The following SLC16A10 variants were observed in gnomAD, a reference collection of about 807,000 sequenced individuals.
SLC16A10 encodes the protein solute carrier family 16 member 10.
A neutral mutation model predicts 40.0 loss-of-function variants in SLC16A10; 27 were observed. The ratio of observed to expected loss-of-function variants is 0.67; its 90% CI spans 0.50 to 0.93. The LOEUF is 0.93. Among genes scored for constraint, SLC16A10 ranks in the 40% least tolerant of loss-of-function variants. The pLI, the probability that SLC16A10 is intolerant of heterozygous loss-of-function variation, is 0.00. For missense variants in SLC16A10, 529 were observed against 658.2 expected (o/e 0.80, Z 2.15); for synonymous variants, 213 against 249.8 (o/e 0.85, Z 1.39).
intron 1 of SLC16A10, among the ~76,000 whole-genome samples, chr6:111,162,195 G>GT (rs1396021570): frequency 3.3e-5 from 5 of 152,156 alleles, no homozygotes; most frequent in African/African-American, 4.8e-5. Context: ...ATTTGGCCTG[G>GT]TTATTTGCAT....
chr6:111,104,727 T>C (rs554928721), intron 1 of SLC16A10, among the ~76,000 whole-genome samples: 1 of 152,220 alleles, frequency 6.6e-6, no homozygotes, highest in South Asian at 2.1e-4. Flanking sequence ...GGAAAGAACA[T>C]GTATCTCTAA....
At chr6:111,217,575 G>A (rs1025075453) in intron 4 of SLC16A10, among the ~76,000 whole-genome samples, 42 of 150,136 alleles carry the variant, frequency 2.8e-4, no homozygotes, top group Admixed American at 2.2e-3. Flanking sequence ...TTAGCCTCCC[G>A]AGTAGCTGGG....
At chr6:111,182,771 T>C (rs1772825461) in intron 3 of SLC16A10, among the ~76,000 whole-genome samples, 1 of 152,152 alleles carries the variant, frequency 6.6e-6, no homozygotes, top group South Asian at 2.1e-4. Flanking sequence ...ATTCCGCCCT[T>C]TCAGTTGATC....
intron 1 of SLC16A10, among the ~76,000 whole-genome samples, chr6:111,094,879 G>A (rs940858645): frequency 6.6e-6 from 1 of 152,118 alleles, no homozygotes; most frequent in African/African-American, 2.4e-5. Flanking sequence ...GGCCTCAAGC[G>A]ACCCTCCTGC....
chr6:111,215,758 A>G (rs1055041177), intron 4 of SLC16A10, among the ~76,000 whole-genome samples: 7 of 152,238 alleles, frequency 4.6e-5, no homozygotes, highest in African/African-American at 1.7e-4. Context: ...TAATCCCAGC[A>G]CTTTGGGAGG....
chr6:111,181,146 C>T (rs910431057), intron 3 of SLC16A10, among the ~76,000 whole-genome samples: 1 of 147,716 alleles, frequency 6.8e-6, no homozygotes, highest in Non-Finnish European at 1.5e-5. Flanking sequence ...ACTTGGGAGG[C>T]AGAGGTTGCA....
chr6:111,094,207 T>TGG (rs1178457185), intron 1 of SLC16A10, among the ~76,000 whole-genome samples: 1 of 152,198 alleles, frequency 6.6e-6, no homozygotes, highest in Non-Finnish European at 1.5e-5. Flanking sequence ...GCTCAGCCCC[T>TGG]GGCCATATAC....
intron 3 of SLC16A10, among the ~76,000 whole-genome samples, chr6:111,181,165 AG>A (rs1350053128): frequency 6.6e-6 from 1 of 150,718 alleles, no homozygotes; most frequent in Non-Finnish European, 1.5e-5. Context: ...CAGTGAGCTG[AG>A]ACCGCGCCAT....
chr6:111,094,312 A>G (rs935907408), intron 1 of SLC16A10, among the ~76,000 whole-genome samples: 1 of 152,224 alleles, frequency 6.6e-6, no homozygotes, highest in African/African-American at 2.4e-5. Flanking sequence ...CTATTTCTGG[A>G]CAGTTCCATT....
At chr6:111,193,386 C>G in intron 3 of SLC16A10, 2 of 896,744 alleles carry the variant, frequency 2.2e-6, no homozygotes, top group Non-Finnish European at 2.7e-6. Flanking sequence ...CAGCATTCTC[C>G]TACTTGAGAT....
intron 3 of SLC16A10, among the ~76,000 whole-genome samples, chr6:111,187,888 C>A (rs569550189): frequency 3.3e-5 from 5 of 152,164 alleles, no homozygotes; most frequent in Non-Finnish European, 7.4e-5. Flanking sequence ...ATGCAAGGCT[C>A]ACAGTAGTAT....
intron 3 of SLC16A10, among the ~76,000 whole-genome samples, chr6:111,200,525 C>A (rs1487702720): frequency 2.0e-5 from 3 of 152,164 alleles, no homozygotes; most frequent in African/African-American, 4.8e-5. Flanking sequence ...GAGTGCCCCA[C>A]TTGTTTTAAT....
intron 1 of SLC16A10, among the ~76,000 whole-genome samples, chr6:111,137,513 C>T (rs2114497740): frequency 6.6e-6 from 1 of 152,348 alleles, no homozygotes; most frequent in Admixed American, 6.5e-5. Context: ...AGCTGTAAAG[C>T]TACAAATGGT....
At chr6:111,120,980 G>A (rs1472848244) in intron 1 of SLC16A10, among the ~76,000 whole-genome samples, 1 of 152,098 alleles carries the variant, frequency 6.6e-6, no homozygotes, top group Non-Finnish European at 1.5e-5. Flanking sequence ...GTAGATAGCA[G>A]CCAAGTAGGC....
In SLC16A10 at chr6:111,087,848, C is replaced by T. The variant is rs536966533; in HGVS notation, c.96C>T (p.Gly32=). 445 of 1,418,266 alleles carry T rather than the reference C, an allele frequency of 3.1e-4. 1 individual carries two copies. Among genetic ancestry groups the T allele is most frequent in the Non-Finnish European group, 3.9e-4 (425 of 1,094,750 alleles). 87.9% of individuals were successfully genotyped at this position (1,418,266 alleles called of 1,614,324 possible). A position where few individuals can be genotyped will look rare whatever the true frequency, so the allele number is the denominator to read the frequency against. Residue 32 remains glycine (G), a synonymous_variant, in exon 1 of 6, where the codon GGC becomes GGT. Coordinates refer to ENST00000368851, the MANE Select transcript of SLC16A10 (RefSeq NM_018593.5). ...CCACGGGGGCCGCTCCGCCGCCCGG[C>T]CCGGGACCCTCGGACAGCCCCGAGG... ...PAPTGAAPPP[G]PGPSDSPEAA... is the part of the protein sequence containing the mutation.
At chr6:111,132,698 C>G (rs1199751176) in intron 1 of SLC16A10, among the ~76,000 whole-genome samples, 1 of 152,194 alleles carries the variant, frequency 6.6e-6, no homozygotes, top group African/African-American at 2.4e-5. Context: ...ATTCCCTTAA[C>G]CCAGCAGATT....
At chr6:111,202,884 C>CAAAAAAAAAAAAA (rs567667458) in intron 3 of SLC16A10, among the ~76,000 whole-genome samples, 1 of 86,316 alleles carries the variant, frequency 1.2e-5, no homozygotes, top group African/African-American at 4.6e-5. Context: ...GAGACTCCAT[C>CAAAAAAAAAAAAA]AAAAAAAAAA....
At position 111,226,221 on chromosome 6, in the gene SLC16A10, C is replaced by T. The variant is rs917232574; in HGVS notation, c.*3986C>T. ...AAGTCTTTAGCATATTTTCAGAGAG[C>T]GTAATTTTTTACTTTGATTTCCAGT... On this transcript the variant is annotated 3_prime_UTR_variant, in exon 6 of 6. Transcript: ENST00000368851. 3 of 151,648 alleles carry T rather than the reference C, an allele frequency of 2.0e-5. No homozygotes were observed. Among genetic ancestry groups the T allele is most frequent in the Non-Finnish European group, 2.9e-5 (2 of 67,966 alleles). The allele number at this position is 151,648 out of a possible 1,614,324, so 9.4% of individuals were successfully genotyped here.
rs145655903 is a variant in SLC16A10, at chr6:111,088,004, G to A, written c.252G>A (p.Val84=). ...CGGCCATGTGGTGCAACGGGTCGGT[G>A]TTCGGCATCCAGAACGCTTGCGGGG... The part of the protein sequence containing the change: ...MLAAMWCNGS[V]FGIQNACGVL... The change falls in exon 1 of 6, where the codon GTG becomes GTA. Residue 84 remains valine, a synonymous_variant. Transcript: ENST00000368851. 2.4e-4 allele frequency: 393 copies of A among 1,611,168 alleles called. No individual in the cohort carries two copies. Among genetic ancestry groups the A allele is most frequent in the Admixed American group, 5.7e-4 (34 of 59,712 alleles).
Sources: allele counts gnomAD v4.1 joint callset (sites outside exome capture counted in the v4.1 genomes callset), GRCh38; gene constraint gnomAD v4.1.1; transcripts MANE v1.5; gene names NCBI Gene and HGNC (gene_info 2026-07-23, HGNC 2026-07-21).